Variants in PARD3 observed in about 807,000 individuals in gnomAD.
The protein encoded by PARD3 is par-3 family cell polarity regulator, also known as partitioning defective 3 homolog.
PARD3 carries 75 observed loss-of-function variants against 155.4 expected under a neutral mutation model. The observed-to-expected ratio is 0.48, with a 90% CI of 0.40 to 0.58. The LOEUF (loss-of-function observed/expected upper bound fraction) is 0.58, where lower values mean the gene tolerates loss of function less well. PARD3 is among the 20% of genes least tolerant of loss of function. The pLI, the probability that PARD3 is intolerant of heterozygous loss-of-function variation, is 0.00. For missense variants in PARD3, 1,642 were observed against 1,721.7 expected, an observed-to-expected ratio of 0.95 and a Z score of 0.82; for synonymous variants, 576 against 610.5, an observed-to-expected ratio of 0.94 and a Z score of 0.83.
chr10:34,600,564 T>A (rs2132493214), intron 2 of PARD3, among the ~76,000 whole-genome samples: 1 of 152,208 alleles, frequency 6.6e-6, no homozygotes, highest in East Asian at 1.9e-4. Flanking sequence ...GAGCAGGACC[T>A]TAAGCCAAGG....
intron 1 of PARD3, among the ~76,000 whole-genome samples, chr10:34,716,498 C>G (rs994139483): frequency 6.7e-6 from 1 of 149,234 alleles, no homozygotes; most frequent in African/African-American, 2.5e-5. Context: ...GAGGAGGGGA[C>G]AAAAGAGCAG....
intron 7 of PARD3, among the ~76,000 whole-genome samples, chr10:34,397,074 T>A (rs1843416482): frequency 6.6e-6 from 1 of 152,212 alleles, no homozygotes; most frequent in African/African-American, 2.4e-5. Context: ...ATTCCGTTCA[T>A]CTTTGTTTCC....
chr10:34,200,617 T>A (rs1005216685), intron 22 of PARD3, among the ~76,000 whole-genome samples: 1 of 152,144 alleles, frequency 6.6e-6, no homozygotes, highest in African/African-American at 2.4e-5. Context: ...TGATAAGGCA[T>A]CAACAGCACA....
At chr10:34,428,492 A>T (rs937857704) in intron 5 of PARD3, among the ~76,000 whole-genome samples, 1 of 152,234 alleles carries the variant, frequency 6.6e-6, no homozygotes, top group Admixed American at 6.5e-5. Flanking sequence ...CTCTAAAAGA[A>T]AAAAGAGGCC....
intron 1 of PARD3, among the ~76,000 whole-genome samples, chr10:34,803,308 T>G (rs1400318868): frequency 6.6e-6 from 1 of 152,064 alleles, no homozygotes; most frequent in Non-Finnish European, 1.5e-5. Context: ...GGTACTTCTC[T>G]TAACTCTCCA....
At chr10:34,564,721 T>A (rs2085784824) in intron 2 of PARD3, among the ~76,000 whole-genome samples, 1 of 152,248 alleles carries the variant, frequency 6.6e-6, no homozygotes, top group African/African-American at 2.4e-5. Context: ...CTCTTTCGGA[T>A]GGATTTTCTG....
At chr10:34,388,225 C>T (rs926567930) in intron 7 of PARD3, among the ~76,000 whole-genome samples, 4 of 152,070 alleles carry the variant, frequency 2.6e-5, no homozygotes, top group African/African-American at 9.7e-5. Flanking sequence ...AGTACTTAAC[C>T]ACACTATTAG....
At chr10:34,274,720 A>G (rs866368017) in intron 21 of PARD3, among the ~76,000 whole-genome samples, 32 of 152,280 alleles carry the variant, frequency 2.1e-4, no homozygotes, top group Admixed American at 7.2e-4. Flanking sequence ...AAAATCAAAG[A>G]GAAGGACTCA....
At chr10:34,115,126 G>A (rs956068257) in intron 24 of PARD3, among the ~76,000 whole-genome samples, 6 of 152,176 alleles carry the variant, frequency 3.9e-5, no homozygotes, top group African/African-American at 9.7e-5. Flanking sequence ...ACAGAAGGAG[G>A]AAGACAGAGG....
chr10:34,114,983 C>T (rs1946586215), intron 24 of PARD3, among the ~76,000 whole-genome samples: 1 of 151,700 alleles, frequency 6.6e-6, no homozygotes, highest in Non-Finnish European at 1.5e-5. Flanking sequence ...CAATAACTAT[C>T]ACCTAAAGAT....
At chr10:34,164,202 T>C (rs908492854) in intron 22 of PARD3, among the ~76,000 whole-genome samples, 1 of 152,222 alleles carries the variant, frequency 6.6e-6, no homozygotes, top group Non-Finnish European at 1.5e-5. Flanking sequence ...AAAAAAAACC[T>C]GCTTCTGTTT....
chr10:34,637,854 A>G (rs1035400281), intron 2 of PARD3, among the ~76,000 whole-genome samples: 7 of 152,364 alleles, frequency 4.6e-5, no homozygotes, highest in Middle Eastern at 3.4e-3. Context: ...ATGCACATCA[A>G]ATAATTAAGT....
At position 34,384,143 on chromosome 10, in the gene PARD3, AT is replaced by A. The variant is rs1463956876; in HGVS notation, c.1001del (p.Asn334IlefsTer61). ...CACACACTTACTGTTCAAATCTTCTATTTCGAAGGTCGCCATCATTAATCCT... is the reference window on the plus strand; with the variant it reads ...CACACACTTACTGTTCAAATCTTCTATTCGAAGGTCGCCATCATTAATCCT... ...IVRINDGDLR[N>X]RRFEQAQHMF... On this transcript the variant is annotated frameshift_variant, in exon 8 of 25. Coordinates refer to ENST00000374788, the MANE Select transcript of PARD3 (RefSeq NM_001184785.2). LOFTEE classifies it high-confidence loss of function. 6.2e-7 allele frequency: 1 copy of A among 1,613,814 alleles called. No homozygotes were observed.
intron 1 of PARD3, among the ~76,000 whole-genome samples, chr10:34,720,442 C>T (rs2094586105): frequency 1.3e-5 from 1 of 79,394 alleles, no homozygotes; most frequent in African/African-American, 5.8e-5. Flanking sequence ...CAGAGCAAGG[C>T]TCTGTCAAAA....
chr10:34,221,855 T>A (rs1952313802), intron 22 of PARD3, among the ~76,000 whole-genome samples: 1 of 152,242 alleles, frequency 6.6e-6, no homozygotes, highest in Non-Finnish European at 1.5e-5. Context: ...CTATTGACAA[T>A]GCAATACACA....
intron 1 of PARD3, among the ~76,000 whole-genome samples, chr10:34,813,161 C>T (rs982089781): frequency 6.6e-6 from 1 of 152,198 alleles, no homozygotes; most frequent in African/African-American, 2.4e-5. Context: ...GGCAGTTCAG[C>T]CTATGTCTAT....
At position 34,119,631 on chromosome 10, in the gene PARD3, T is replaced by C; in HGVS notation, c.3650A>G (p.Gln1217Arg). 1 of 1,609,908 alleles carries C rather than the reference T, an allele frequency of 6.2e-7. No individual in the cohort carries two copies. The highest frequency in any genetic ancestry group is 8.5e-7 in the Non-Finnish European group (1 of 1,178,142). Residue 1217 changes from glutamine (Q) to arginine (R), a missense_variant, in exon 24 of 25, where the codon CAG becomes CGG. Gln to Arg is a conservative substitution (Grantham distance 43, BLOSUM62 1). This residue lies in a region of PARD3 where 1,529 missense variants were observed against 1,587.3 expected (regional missense o/e 0.96). Coordinates refer to ENST00000374788, the MANE Select transcript of PARD3 (RefSeq NM_001184785.2). ...ERESSQQAQR[Q>R]YSSLPRQSRK... Reference sequence around the variant, plus strand: ...CTCATACCGAGGCAGAGAGCTGTACTGGCGCTGGGCCTGCTGGGAGCTCTC... The same window carrying C: ...CTCATACCGAGGCAGAGAGCTGTACCGGCGCTGGGCCTGCTGGGAGCTCTC...
intron 5 of PARD3, among the ~76,000 whole-genome samples, chr10:34,439,112 T>A (rs985859354): frequency 6.6e-6 from 1 of 152,032 alleles, no homozygotes; most frequent in African/African-American, 2.4e-5. Flanking sequence ...CTGGGAAGGG[T>A]TGGGAGACAG....
chr10:34,791,097 G>C (rs1048537310), intron 1 of PARD3, among the ~76,000 whole-genome samples: 7 of 152,224 alleles, frequency 4.6e-5, no homozygotes, highest in Non-Finnish European at 7.3e-5. Context: ...TATTCAGTTA[G>C]ATAATAGGAA....
Sources: allele counts gnomAD v4.1 joint callset (sites outside exome capture counted in the v4.1 genomes callset), GRCh38; gene constraint gnomAD v4.1.1; regional missense constraint gnomAD v4.1.1; transcripts MANE v1.5; gene names NCBI Gene and HGNC (gene_info 2026-07-23, HGNC 2026-07-21).